The following RREB1 variants were observed in gnomAD, a reference collection of about 807,000 sequenced individuals.
The protein encoded by RREB1 is ras-responsive element-binding protein 1.
A neutral mutation model predicts 117.8 loss-of-function variants in RREB1; 27 were observed. That is an observed-to-expected ratio of 0.23 (90% CI 0.17 to 0.32). The LOEUF (loss-of-function observed/expected upper bound fraction) is 0.32, where lower values mean the gene tolerates loss of function less well. Ranked by LOEUF, RREB1 falls within the 10% of genes least tolerant of loss-of-function variation. RREB1 has a pLI of 1.00. For missense variants in RREB1, 2,577 were observed against 2,378.2 expected (o/e 1.08, Z -1.74); for synonymous variants, 1,298 against 1,026.7 (o/e 1.26, Z -5.05).
intron 1 of RREB1, among the ~76,000 whole-genome samples, chr6:7,122,173 G>A (rs1761709153): frequency 6.6e-6 from 1 of 152,208 alleles, no homozygotes. Flanking sequence ...CTTTTATAAG[G>A]TATCAACCCT....
At chr6:7,237,931 C>T (rs1768444915) in intron 10 of RREB1, among the ~76,000 whole-genome samples, 1 of 152,218 alleles carries the variant, frequency 6.6e-6, no homozygotes, top group Non-Finnish European at 1.5e-5. Context: ...TAGGGACCTT[C>T]TCATGGGGAC....
At chr6:7,157,873 T>C (rs1371742415) in intron 1 of RREB1, among the ~76,000 whole-genome samples, 1 of 152,154 alleles carries the variant, frequency 6.6e-6, no homozygotes, top group Non-Finnish European at 1.5e-5. Flanking sequence ...CACTCGCTGC[T>C]AATGCCTTCA....
rs1377164507 is a variant in RREB1 at position 7,247,005 on chromosome 6, G to A, written c.4555G>A (p.Ala1519Thr). 6.2e-7 allele frequency: 1 copy of A among 1,605,606 alleles called. No homozygotes were observed. ...GGCCCCGGGTGCCGGGGAGGCCCCGGCGGAAAAGCTCGCGGAGGAGACGGA... is the reference window on the plus strand; with the variant it reads ...GGCCCCGGGTGCCGGGGAGGCCCCGACGGAAAAGCTCGCGGAGGAGACGGA... ...ESAPGAGEAP[A>T]EKLAEETEGP... The change falls in exon 12 of 13, where the codon GCG (alanine) becomes ACG (threonine). Residue 1519 changes from alanine (A) to threonine (T), a missense_variant. Ala to Thr is a moderately conservative substitution (Grantham distance 58). Coordinates refer to ENST00000379938, the MANE Select transcript of RREB1 (RefSeq NM_001003699.4).
intron 5 of RREB1, among the ~76,000 whole-genome samples, chr6:7,188,891 GAC>G (rs1291950254): frequency 6.6e-6 from 1 of 152,174 alleles, no homozygotes; most frequent in Non-Finnish European, 1.5e-5. Flanking sequence ...TTCAAAGCAA[GAC>G]CTGGGAAGGC....
intron 8 of RREB1, among the ~76,000 whole-genome samples, chr6:7,219,753 G>A (rs570609348): frequency 1.3e-5 from 2 of 152,256 alleles, no homozygotes; most frequent in South Asian, 4.1e-4. Flanking sequence ...CTCTGTGATC[G>A]TGGTTCCCGG....
intron 1 of RREB1, among the ~76,000 whole-genome samples, chr6:7,158,581 C>T (rs1763497238): frequency 6.6e-6 from 1 of 152,186 alleles, no homozygotes; most frequent in Non-Finnish European, 1.5e-5. Flanking sequence ...CTTCCTCTTA[C>T]ACTACCCCAG....
chr6:7,182,702 T>C (rs1764872654), intron 4 of RREB1, among the ~76,000 whole-genome samples: 1 of 152,216 alleles, frequency 6.6e-6, no homozygotes. Flanking sequence ...TGAAAAGTTG[T>C]TGCTGTCTTG....
intron 1 of RREB1, among the ~76,000 whole-genome samples, chr6:7,175,833 G>A (rs1034319010): frequency 6.6e-6 from 1 of 152,212 alleles, no homozygotes; most frequent in Admixed American, 6.5e-5. Context: ...CCTATTTGAC[G>A]TGTGTTACCA....
intron 1 of RREB1, among the ~76,000 whole-genome samples, chr6:7,169,508 C>T (rs1000928341): frequency 6.6e-6 from 1 of 152,174 alleles, no homozygotes; most frequent in Non-Finnish European, 1.5e-5. Context: ...GGGGAAAGGG[C>T]CAGGGACTCA....
chr6:7,146,627 G>A (rs750352685), intron 1 of RREB1, among the ~76,000 whole-genome samples: 15 of 152,144 alleles, frequency 9.9e-5, no homozygotes, highest in East Asian at 9.6e-4. Flanking sequence ...CATTCACTCC[G>A]TAAACATACC....
At chr6:7,187,310 C>T (rs954270390) in intron 4 of RREB1, 124 bp from the exon 5 acceptor site, 4 of 475,616 alleles carry the variant, frequency 8.4e-6, no homozygotes, top group African/African-American at 5.9e-5. Context: ...TATACCTGGG[C>T]AGGTTCTGGA....
At chr6:7,211,074 C>A in intron 7 of RREB1, 126 bp downstream of exon 7, 2 of 937,402 alleles carry the variant, frequency 2.1e-6, no homozygotes, top group Non-Finnish European at 1.6e-6. Context: ...GTGTGTTTTC[C>A]CATACTGTTT....
At chr6:7,141,906 C>T (rs530729005) in intron 1 of RREB1, among the ~76,000 whole-genome samples, 1 of 152,316 alleles carries the variant, frequency 6.6e-6, no homozygotes, top group South Asian at 2.1e-4. Flanking sequence ...CTAAAAGGAG[C>T]CGTTTTCTGG....
In RREB1 at chr6:7,129,060, G is replaced by A. The variant is rs1365239987; in HGVS notation, c.-285+21000G>A. On this transcript the variant is annotated intron_variant, in intron 1 of 12. Transcript: ENST00000379938. Reference sequence around the variant, plus strand: ...CTTAATTGAGCAATTGCTATGCTAGGTTTAGGCATGGTGGAGTTTGGTGTT... The same window carrying A: ...CTTAATTGAGCAATTGCTATGCTAGATTTAGGCATGGTGGAGTTTGGTGTT... Among the ~76,000 whole-genome samples the A allele has an allele frequency of 2.0e-5, 3 of 152,236 alleles. No individual in the cohort carries two copies. In the East Asian group the frequency reaches 5.8e-4, roughly 29 times the overall value.
At chr6:7,181,634 C>T (rs917784873) in intron 3 of RREB1, 1 of 591,592 alleles carries the variant, frequency 1.7e-6, no homozygotes, top group African/African-American at 1.9e-5. Context: ...AGTTTGAGTC[C>T]TGTTGGTAGT....
At chr6:7,119,527 G>C (rs1761572538) in intron 1 of RREB1, among the ~76,000 whole-genome samples, 2 of 152,138 alleles carry the variant, frequency 1.3e-5, no homozygotes, top group Admixed American at 6.5e-5. Context: ...GGATGGGTGA[G>C]AGGAAAGAAA....
At chr6:7,162,819 CTTTATTTTAT>C (rs543316226) in intron 1 of RREB1, among the ~76,000 whole-genome samples, 2 of 151,948 alleles carry the variant, frequency 1.3e-5, no homozygotes, top group Non-Finnish European at 2.9e-5. Context: ...GACTGCTCCC[CTTTATTTTAT>C]TTTATTTTAT....
At position 7,230,769 on chromosome 6, in the gene RREB1, T is replaced by C; in HGVS notation, c.2670T>C (p.Ser890=). ...PHVSIKLEPA[S]SFAVDFNEPL... ...TCTCGATCAAGTTGGAGCCCGCCAG[T>C]AGCTTTGCGGTGGACTTCAATGAGC... The change falls in exon 10 of 13, where the codon AGT becomes AGC. Residue 890 remains serine (S), a synonymous_variant. Coordinates refer to ENST00000379938, the MANE Select transcript of RREB1 (RefSeq NM_001003699.4). 1.2e-6 allele frequency: 2 copies of C among 1,612,458 alleles called. No individual in the cohort carries two copies. Among genetic ancestry groups the C allele is most frequent in the African/African-American group, 1.3e-5 (1 of 75,014 alleles).
chr6:7,177,903 A>G (rs1422935257), intron 2 of RREB1, among the ~76,000 whole-genome samples: 2 of 152,084 alleles, frequency 1.3e-5, no homozygotes, highest in East Asian at 3.9e-4. Context: ...TTGTAGTTTT[A>G]GGGGAGACGG....
Sources: gnomAD v4.1 joint callset for allele counts (sites outside exome capture counted in the v4.1 genomes callset) on GRCh38, gnomAD v4.1.1 for gene constraint, MANE v1.5 for transcripts, NCBI Gene and HGNC (gene_info 2026-07-23, HGNC 2026-07-21) for gene names.